HECW2: variants seen among roughly 807,000 people sequenced by gnomAD.
HECW2 encodes HECT, C2 and WW domain containing E3 ubiquitin protein ligase 2.
A neutral mutation model predicts 175.2 loss-of-function variants in HECW2; 61 were observed. That is an observed-to-expected ratio of 0.35 (90% CI 0.28 to 0.43). The LOEUF (loss-of-function observed/expected upper bound fraction) is 0.43, where lower values mean the gene tolerates loss of function less well. HECW2 is among the 20% of genes least tolerant of loss of function. HECW2 has a pLI of 1.00. For missense variants in HECW2, 1,524 were observed against 2,000.5 expected (o/e 0.76, Z 4.54); for synonymous variants, 671 against 731.0 (o/e 0.92, Z 1.32).
intron 14 of HECW2, chr2:196,289,228 C>T (rs972785108): frequency 2.0e-5 from 3 of 152,204 alleles, no homozygotes; most frequent in African/African-American, 7.2e-5. Context: ...CTGTTAAGAA[C>T]CATTTCCTTT....
In HECW2 at chr2:196,199,618, G is replaced by A. The variant is rs1251990141; in HGVS notation, c.*1659C>T. 6.6e-6 allele frequency: 1 copy of A among 152,472 alleles called. No individual in the cohort carries two copies. The highest frequency in any genetic ancestry group is 1.5e-5 in the Non-Finnish European group (1 of 67,996). The allele number at this position is 152,472 out of a possible 1,614,324, so 9.4% of individuals were successfully genotyped here. A position where few individuals can be genotyped will look rare whatever the true frequency, so the allele number is the denominator to read the frequency against. ...GCTGCTTATAAATATAGATCTCAAA[G>A]AAATGTTTGGGCAATGCCTGTAAAC... On this transcript the variant is annotated 3_prime_UTR_variant, in exon 29 of 29. Transcript: ENST00000644978.
rs1041019069 is a variant in HECW2, at chr2:196,197,878, T to C, written c.*3399A>G. ...GAAACTATAAAGCACTATGCAAGCA[T>C]ATTCTACCATTTCTTTCAAACACTT... On this transcript the variant is annotated 3_prime_UTR_variant, in exon 29 of 29. Coordinates refer to ENST00000644978, the MANE Select transcript of HECW2 (RefSeq NM_001348768.2). 3.0e-4 allele frequency: 46 copies of C among 152,358 alleles called. No individual in the cohort carries two copies. Among genetic ancestry groups the C allele is most frequent in the African/African-American group, 1.0e-3 (43 of 41,588 alleles). The allele number at this position is 152,358 out of a possible 1,614,324, so 9.4% of individuals were successfully genotyped here. A position where few individuals can be genotyped will look rare whatever the true frequency, so the allele number is the denominator to read the frequency against.
At chr2:196,508,243 G>A (rs1030848982) in intron 1 of HECW2, among the ~76,000 whole-genome samples, 1 of 152,138 alleles carries the variant, frequency 6.6e-6, no homozygotes, top group East Asian at 1.9e-4. Flanking sequence ...TACTACAACT[G>A]CAGAAGGGAG....
chr2:196,516,328 A>C (rs1313015137), intron 1 of HECW2, among the ~76,000 whole-genome samples: 1 of 152,214 alleles, frequency 6.6e-6, no homozygotes, highest in African/African-American at 2.4e-5. Context: ...TTTCTCTTAA[A>C]GCCATTTGTT....
At chr2:196,558,122 TCATC>T (rs1396971173) in intron 1 of HECW2, among the ~76,000 whole-genome samples, 1 of 152,204 alleles carries the variant, frequency 6.6e-6, no homozygotes, top group Non-Finnish European at 1.5e-5. Flanking sequence ...AAAATATTCT[TCATC>T]CAGTAGTTTT....
chr2:196,393,977 A>G (rs1184284393), intron 2 of HECW2, among the ~76,000 whole-genome samples: 1 of 152,196 alleles, frequency 6.6e-6, no homozygotes, highest in Non-Finnish European at 1.5e-5. Context: ...GCAGCCATAA[A>G]AAAGGATGAG....
intron 1 of HECW2, among the ~76,000 whole-genome samples, chr2:196,569,913 A>T (rs1690325917): frequency 6.6e-6 from 1 of 152,238 alleles, no homozygotes; most frequent in African/African-American, 2.4e-5. Context: ...CTGAAGTCCC[A>T]GCTACTTGGG....
chr2:196,425,855 G>T (rs1165409414), intron 2 of HECW2, among the ~76,000 whole-genome samples: 3 of 152,124 alleles, frequency 2.0e-5, no homozygotes, highest in Non-Finnish European at 4.4e-5. Flanking sequence ...TGAAAAGATT[G>T]ACTCCAATTT....
At chr2:196,299,758 T>A (rs1398026550) in intron 13 of HECW2, among the ~76,000 whole-genome samples, 1 of 152,024 alleles carries the variant, frequency 6.6e-6, no homozygotes, top group African/African-American at 2.4e-5. Context: ...TGAAACCCCG[T>A]CTCTACTAAA....
intron 1 of HECW2, among the ~76,000 whole-genome samples, chr2:196,483,403 A>G (rs374325101): frequency 6.6e-6 from 1 of 152,368 alleles, no homozygotes; most frequent in Non-Finnish European, 1.5e-5. Flanking sequence ...CTTTAGTTTG[A>G]TAAGTGTGAC....
chr2:196,213,885 CA>C (rs1032704965), intron 28 of HECW2, among the ~76,000 whole-genome samples: 1 of 152,158 alleles, frequency 6.6e-6, no homozygotes, highest in Admixed American at 6.5e-5. Context: ...AGGCCTGTTA[CA>C]AATGAGAAAA....
At chr2:196,245,556 G>A (rs556858485) in intron 19 of HECW2, among the ~76,000 whole-genome samples, 1 of 152,184 alleles carries the variant, frequency 6.6e-6, no homozygotes, top group South Asian at 2.1e-4. Flanking sequence ...CCACACGTGT[G>A]GATGAGCTGA....
At chr2:196,205,668 T>G (rs537459592) in intron 28 of HECW2, among the ~76,000 whole-genome samples, 20 of 152,082 alleles carry the variant, frequency 1.3e-4, no homozygotes, top group Non-Finnish European at 2.8e-4. Context: ...TCAAAATCAC[T>G]CCAGGAGCTT....
At chr2:196,568,108 A>G in intron 1 of HECW2, among the ~76,000 whole-genome samples, 1 of 152,286 alleles carries the variant, frequency 6.6e-6, no homozygotes, top group East Asian at 1.9e-4. Flanking sequence ...TCTCTTTATT[A>G]CCTTTTCATT....
intron 14 of HECW2, among the ~76,000 whole-genome samples, chr2:196,280,702 G>T (rs1690152732): frequency 6.6e-6 from 1 of 152,166 alleles, no homozygotes; most frequent in African/African-American, 2.4e-5. Context: ...AACCTGTGTG[G>T]ACTTGCATTG....
chr2:196,224,378 G>C (rs1313525853), intron 23 of HECW2, among the ~76,000 whole-genome samples: 1 of 152,130 alleles, frequency 6.6e-6, no homozygotes, highest in African/African-American at 2.4e-5. Flanking sequence ...TGAGAGTACA[G>C]ATTTGGGAGT....
chr2:196,384,981 A>G (rs1694307438), intron 2 of HECW2, among the ~76,000 whole-genome samples: 1 of 152,030 alleles, frequency 6.6e-6, no homozygotes, highest in African/African-American at 2.4e-5. Flanking sequence ...CAGTGGCACA[A>G]TCACAGCTCA....
At chr2:196,433,692 C>G (rs1695785822) in intron 1 of HECW2, among the ~76,000 whole-genome samples, 1 of 152,154 alleles carries the variant, frequency 6.6e-6, no homozygotes, top group Non-Finnish European at 1.5e-5. Flanking sequence ...CTCGATTTCA[C>G]TTGGCACAGC....
intron 28 of HECW2, among the ~76,000 whole-genome samples, chr2:196,210,302 G>A (rs1418708275): frequency 6.6e-6 from 1 of 152,044 alleles, no homozygotes; most frequent in African/African-American, 2.4e-5. Context: ...GTGTGCCTGT[G>A]TGTACCTGAA....
Sources: gnomAD v4.1 joint callset for allele counts (sites outside exome capture counted in the v4.1 genomes callset) on GRCh38, gnomAD v4.1.1 for gene constraint, MANE v1.5 for transcripts, NCBI Gene and HGNC (gene_info 2026-07-23, HGNC 2026-07-21) for gene names.